EXOC4: variants seen among roughly 807,000 people sequenced by gnomAD.
The protein encoded by EXOC4 is exocyst complex component 4.
EXOC4 carries 71 observed loss-of-function variants against 107.2 expected under a neutral mutation model. The ratio of observed to expected loss-of-function variants is 0.66; its 90% CI spans 0.55 to 0.81. The LOEUF (loss-of-function observed/expected upper bound fraction) is 0.81. Among genes scored for constraint, EXOC4 ranks in the 30% least tolerant of loss-of-function variants. EXOC4 has a pLI of 0.00. For missense variants in EXOC4, 1,108 were observed against 1,189.6 expected, an observed-to-expected ratio of 0.93 and a Z score of 1.01; for synonymous variants, 456 against 441.2, an observed-to-expected ratio of 1.03 and a Z score of -0.42.
intron 9 of EXOC4, among the ~76,000 whole-genome samples, chr7:133,520,399 G>C (rs2150909493): frequency 6.6e-6 from 1 of 152,232 alleles, no homozygotes; most frequent in East Asian, 1.9e-4. Flanking sequence ...GTAAATGTCT[G>C]AGTATGAACA....
chr7:133,930,001 G>C (rs561839021), intron 13 of EXOC4, among the ~76,000 whole-genome samples: 1 of 152,268 alleles, frequency 6.6e-6, no homozygotes, highest in South Asian at 2.1e-4. Context: ...AAATAACCAG[G>C]ATAATCAATA....
the EXOC4 span, among the ~76,000 whole-genome samples, chr7:134,075,291 A>G: frequency 6.6e-6 from 1 of 152,170 alleles, no homozygotes; most frequent in African/African-American, 2.4e-5. Flanking sequence ...TTCTCAATAT[A>G]TCTTGCTCTC....
intron 10 of EXOC4, among the ~76,000 whole-genome samples, chr7:133,784,321 T>C (rs542726802): frequency 8.2e-4 from 125 of 152,352 alleles, no homozygotes; most frequent in African/African-American, 3.0e-3. Context: ...CTGATCACTC[T>C]AATTGAGAAA....
chr7:134,071,977 C>T, the EXOC4 span, among the ~76,000 whole-genome samples: 1 of 152,232 alleles, frequency 6.6e-6, no homozygotes, highest in African/African-American at 2.4e-5. Flanking sequence ...TTCTGGACCA[C>T]ATTTGGGGCC....
At chr7:133,659,778 G>GCTAA (rs1418215382) in intron 10 of EXOC4, among the ~76,000 whole-genome samples, 5 of 152,270 alleles carry the variant, frequency 3.3e-5, no homozygotes, top group African/African-American at 9.6e-5. Context: ...CTAAGGAAAG[G>GCTAA]CTAACAGTCA....
Position 133,356,441 on chromosome 7 carries a change from T to A in EXOC4, c.875T>A (p.Ile292Asn). 5 of 1,614,154 alleles carry A rather than the reference T, an allele frequency of 3.1e-6. No individual in the cohort carries two copies. The highest frequency in any genetic ancestry group is 4.2e-6 in the Non-Finnish European group (5 of 1,180,036). The change falls in exon 6 of 18, where the codon ATC becomes AAC. Residue 292 changes from isoleucine to asparagine, a missense_variant. Physicochemically the swap from Ile to Asn is moderately radical, Grantham distance 149. Coordinates refer to ENST00000253861, the MANE Select transcript of EXOC4 (RefSeq NM_021807.4). ...LIKGLAKLKK[I>N]PETVKAIIER... ...AAGGGCTTGGCGAAACTGAAGAAGA[T>A]CCCAGAAACAGTTAAGGCAATCATA...
chr7:133,420,126 C>G (rs1228964896), intron 7 of EXOC4, among the ~76,000 whole-genome samples: 1 of 129,648 alleles, frequency 7.7e-6, no homozygotes, highest in Non-Finnish European at 1.6e-5. Flanking sequence ...CCCCCTCCCC[C>G]CACCCCACCA....
At chr7:133,438,538 C>T (rs1798028375) in intron 7 of EXOC4, among the ~76,000 whole-genome samples, 1 of 152,064 alleles carries the variant, frequency 6.6e-6, no homozygotes, top group African/African-American at 2.4e-5. Flanking sequence ...CCATGAGAAT[C>T]GTCTGGAATG....
At chr7:133,988,832 A>G (rs1319488317) in intron 14 of EXOC4, among the ~76,000 whole-genome samples, 2 of 152,198 alleles carry the variant, frequency 1.3e-5, no homozygotes, top group Non-Finnish European at 2.9e-5. Flanking sequence ...AGAGATGGAG[A>G]AAATCTGGAG....
intron 5 of EXOC4, among the ~76,000 whole-genome samples, chr7:133,335,605 A>G (rs188029661): frequency 2.0e-4 from 30 of 152,324 alleles, no homozygotes; most frequent in Admixed American, 5.9e-4. Flanking sequence ...TCATGTGTCA[A>G]TGGACATTTG....
chr7:133,413,840 G>C (rs1797415416), intron 7 of EXOC4, among the ~76,000 whole-genome samples: 1 of 152,228 alleles, frequency 6.6e-6, no homozygotes, highest in East Asian at 1.9e-4. Context: ...CATAGTGACT[G>C]ATCAGTGAAG....
At chr7:133,923,311 T>G (rs1799980722) in intron 13 of EXOC4, among the ~76,000 whole-genome samples, 1 of 152,002 alleles carries the variant, frequency 6.6e-6, no homozygotes, top group Non-Finnish European at 1.5e-5. Flanking sequence ...GTATTTTTAG[T>G]AGAGACAGGG....
intron 9 of EXOC4, among the ~76,000 whole-genome samples, chr7:133,514,560 G>C (rs915073111): frequency 4.6e-5 from 7 of 152,186 alleles, no homozygotes; most frequent in Non-Finnish European, 7.3e-5. Flanking sequence ...ATTTGACCAA[G>C]AGGTGCTTTT....
intron 10 of EXOC4, among the ~76,000 whole-genome samples, chr7:133,800,175 T>C (rs1187841754): frequency 6.6e-6 from 1 of 152,158 alleles, no homozygotes; most frequent in Non-Finnish European, 1.5e-5. Context: ...AGGTAATGAA[T>C]GTGAAAGTGA....
intron 7 of EXOC4, among the ~76,000 whole-genome samples, chr7:133,438,526 A>G (rs1798027971): frequency 6.6e-6 from 1 of 152,132 alleles, no homozygotes. Context: ...AAGCTTTAAT[A>G]GCCATGAGAA....
chr7:133,306,167 T>G, intron 4 of EXOC4, 106 bp downstream of exon 4: 2 of 928,180 alleles, frequency 2.2e-6, no homozygotes, highest in South Asian at 3.9e-5. Flanking sequence ...TTTCCTTTAA[T>G]GGACTGTCTC....
At chr7:133,292,164 G>A (rs1794421971) in intron 3 of EXOC4, among the ~76,000 whole-genome samples, 1 of 152,164 alleles carries the variant, frequency 6.6e-6, no homozygotes, top group Non-Finnish European at 1.5e-5. Context: ...GGCCAACATG[G>A]TGAAACTCCA....
At chr7:133,383,762 C>T (rs996665157) in intron 7 of EXOC4, among the ~76,000 whole-genome samples, 2 of 152,074 alleles carry the variant, frequency 1.3e-5, no homozygotes, top group Non-Finnish European at 2.9e-5. Context: ...GTATTTCAGG[C>T]CAGAAAACGT....
chr7:133,484,360 G>T (rs1056110163), intron 9 of EXOC4, among the ~76,000 whole-genome samples: 1 of 152,022 alleles, frequency 6.6e-6, no homozygotes, highest in Non-Finnish European at 1.5e-5. Flanking sequence ...GGGTGTGTCA[G>T]TGTTAATCAT....
Sources: gnomAD v4.1 joint callset for allele counts (sites outside exome capture counted in the v4.1 genomes callset) on GRCh38, gnomAD v4.1.1 for gene constraint, MANE v1.5 for transcripts, NCBI Gene and HGNC (gene_info 2026-07-23, HGNC 2026-07-21) for gene names.